The following LRRC4B variants were observed in gnomAD, a reference collection of about 807,000 sequenced individuals.
The protein encoded by LRRC4B is leucine rich repeat containing 4B.
In LRRC4B, 1 loss-of-function variant was observed where a neutral mutation model predicts 7.3. That is an observed-to-expected ratio of 0.14 (90% CI 0.05 to 0.65). The LOEUF is 0.65. Ranked by LOEUF, LRRC4B falls within the 30% of genes least tolerant of loss-of-function variation. The pLI, the probability that LRRC4B is intolerant of heterozygous loss-of-function variation, is 0.84. For synonymous variants in LRRC4B, 500 were observed against 499.2 expected, an observed-to-expected ratio of 1.00 and a Z score of -0.02; for missense variants, 730 against 1,041.6, an observed-to-expected ratio of 0.70 and a Z score of 4.12.
chr19:50,557,621 G>GT (rs1229461925), intron 1 of LRRC4B: 2 of 148,794 alleles, frequency 1.3e-5, no homozygotes, highest in East Asian at 4.1e-4. Flanking sequence ...GCTAGGAACA[G>GT]TACCCTGTGG....
rs771120121 is a variant in LRRC4B, at chr19:50,518,231, G to T, written c.1482C>A (p.Thr494=). The change falls in exon 3 of 3, where the codon ACC becomes ACA. Residue 494 remains threonine (T), a synonymous_variant. Coordinates refer to ENST00000652263, the MANE Select transcript of LRRC4B (RefSeq NM_001080457.2). ...YTYFTTVTVE[T]LETQPGEEAL... ...CCTCCTCTCCGGGCTGCGTCTCCAG[G>T]GTCTCCACGGTCACCGTGGTGAAGT... 1 of 1,608,438 alleles carries T rather than the reference G, an allele frequency of 6.2e-7. No individual in the cohort carries two copies. Among genetic ancestry groups the T allele is most frequent in the South Asian group, 1.1e-5 (1 of 90,802 alleles).
intron 2 of LRRC4B, among the ~76,000 whole-genome samples, chr19:50,547,178 C>T (rs1388970032): frequency 6.6e-6 from 1 of 152,186 alleles, no homozygotes; most frequent in East Asian, 1.9e-4. Context: ...TCAAAGCAAA[C>T]TGGCAGACAT....
chr19:50,551,378 TG>T (rs887131165), intron 1 of LRRC4B, among the ~76,000 whole-genome samples: 32 of 148,500 alleles, frequency 2.2e-4, no homozygotes, highest in African/African-American at 6.5e-4. Flanking sequence ...TTCCCACCCC[TG>T]GGGGGGGCTG....
intron 2 of LRRC4B, among the ~76,000 whole-genome samples, chr19:50,521,903 T>G (rs1980597572): frequency 6.7e-6 from 1 of 149,692 alleles, no homozygotes; most frequent in Non-Finnish European, 1.5e-5. Context: ...AGGCTGGGCA[T>G]GGTGGCTCAC....
In LRRC4B at chr19:50,517,809, G is replaced by T; in HGVS notation, c.1904C>A (p.Ala635Glu). 1 of 1,551,978 alleles carries T rather than the reference G, an allele frequency of 6.4e-7. No homozygotes were observed. The highest frequency in any genetic ancestry group is 8.7e-7 in the Non-Finnish European group (1 of 1,155,032). Reference protein sequence around the residue: ...PAASAVSVAAAAAVASGGGVG... With the variant: ...PAASAVSVAAEAAVASGGGVG... The stretch of plus-strand genomic sequence containing the variant: ...ACCACCCCCACTGGCCACGGCGGCC[G>T]CGGCGGCCACGGACACGGCCGAGGC... The change falls in exon 3 of 3, where the codon GCG (alanine) becomes GAG (glutamate). Residue 635 changes from alanine to glutamate, a missense_variant. Coordinates refer to ENST00000652263, the MANE Select transcript of LRRC4B (RefSeq NM_001080457.2). This position sits in a 1 kb window ranked among gnomAD's most constrained non-coding sequence, Gnocchi z 6.6.
chr19:50,557,541 C>G (rs1034770675), intron 1 of LRRC4B: 3 of 152,388 alleles, frequency 2.0e-5, no homozygotes, highest in Non-Finnish European at 4.4e-5. Flanking sequence ...ACATATAGGA[C>G]TCGGAGCCTG....
At chr19:50,547,816 C>T (rs932890991) in intron 2 of LRRC4B, among the ~76,000 whole-genome samples, 17 of 151,770 alleles carry the variant, frequency 1.1e-4, no homozygotes, top group African/African-American at 3.6e-4. Context: ...CCCTCGCTTA[C>T]GGCCTATCCT....
chr19:50,544,323 A>G (rs565620758), intron 2 of LRRC4B, among the ~76,000 whole-genome samples: 35 of 151,482 alleles, frequency 2.3e-4, no homozygotes, highest in East Asian at 9.8e-4. Context: ...TGGCTAACAC[A>G]GTGAAACCTC....
Position 50,548,577 on chromosome 19 carries a change from T to C in LRRC4B, c.262A>G (p.Thr88Ala), listed in dbSNP as rs760194623. 6 of 1,602,396 alleles carry C rather than the reference T, an allele frequency of 3.7e-6. No homozygotes were observed. The highest frequency in any genetic ancestry group is 3.4e-5 in the Admixed American group (2 of 59,628). ...TTCTCTTGCAGGTTCAGGTACCGCG[T>C]GTTGACCGGGATGCTGGCTGGGACC... is the stretch of plus-strand genomic sequence containing the variant. ...AEVPASIPVN[T>A]RYLNLQENGI... The change falls in exon 2 of 3, where the codon ACG becomes GCG. Residue 88 changes from threonine to alanine, a missense_variant. This residue lies in a region of LRRC4B where 143 missense variants were observed against 158.4 expected (regional missense o/e 0.90). Transcript: ENST00000652263. This position sits in a 1 kb window ranked among gnomAD's most constrained non-coding sequence, Gnocchi z 6.8.
chr19:50,517,765 G>T lies in LRRC4B; in HGVS notation c.1948C>A (p.Leu650Met). Residue 650 changes from leucine to methionine, a missense_variant, in exon 3 of 3, where the codon CTG becomes ATG. Transcript: ENST00000652263. The surrounding 1 kb of genome is among the most constrained non-coding windows in gnomAD (Gnocchi z 6.6). Reference protein sequence around the residue: ...SGGGVGGDSHLALPALERDHL... With the variant: ...SGGGVGGDSHMALPALERDHL... ...TCTCGCTCCAGGGCGGGCAGGGCCA[G>T]GTGGCTGTCCCCGCCCACACCACCC... 2 of 1,521,672 alleles carry T rather than the reference G, an allele frequency of 1.3e-6. No homozygotes were observed. Among genetic ancestry groups the T allele is most frequent in the African/African-American group, 1.4e-5 (1 of 70,528 alleles). 94.3% of individuals were successfully genotyped at this position (1,521,672 alleles called of 1,614,324 possible).
intron 2 of LRRC4B, among the ~76,000 whole-genome samples, chr19:50,520,248 G>GAAAAAAAAAAAAAAAAAAAAAAAAAAAA (rs1163666534): frequency 6.9e-5 from 1 of 14,454 alleles, no homozygotes; most frequent in Admixed American, 1.2e-3. Flanking sequence ...AAAAAAAAAA[G>GAAAAAAAAAAAAAAAAAAAAAAAAAAAA]AAGAAAAGAA....
At chr19:50,534,950 C>G (rs984470496) in intron 2 of LRRC4B, among the ~76,000 whole-genome samples, 1 of 152,008 alleles carries the variant, frequency 6.6e-6, no homozygotes, top group African/African-American at 2.4e-5. Flanking sequence ...CTCACTGCAA[C>G]CTCTGCCTCC....
intron 2 of LRRC4B, among the ~76,000 whole-genome samples, chr19:50,543,591 C>T (rs1981651959): frequency 6.6e-6 from 1 of 151,988 alleles, no homozygotes; most frequent in Admixed American, 6.6e-5. Context: ...GTGGCTCACA[C>T]CTGTAATCTC....
chr19:50,528,907 C>A (rs145011986), intron 2 of LRRC4B, among the ~76,000 whole-genome samples: 1 of 152,096 alleles, frequency 6.6e-6, no homozygotes, highest in African/African-American at 2.4e-5. Context: ...GGTCCCAAGC[C>A]GGCCTGGGGT....
intron 2 of LRRC4B, among the ~76,000 whole-genome samples, chr19:50,538,560 T>TTTTTTTTTTTTG: frequency 1.2e-4 from 1 of 8,598 alleles, no homozygotes; most frequent in Non-Finnish European, 2.4e-4. Context: ...TTTTGTCTTG[T>TTTTTTTTTTTTG]TTTTTTTTTT....
At chr19:50,540,796 C>G (rs565683245) in intron 2 of LRRC4B, among the ~76,000 whole-genome samples, 1 of 151,652 alleles carries the variant, frequency 6.6e-6, no homozygotes, top group East Asian at 1.9e-4. Flanking sequence ...CATCTAGTTG[C>G]AGGAAAACAA....
chr19:50,567,152 G>A (rs938263596), intron 1 of LRRC4B, among the ~76,000 whole-genome samples: 2 of 149,468 alleles, frequency 1.3e-5, no homozygotes, highest in African/African-American at 4.9e-5. Context: ...TCTCCAGGAG[G>A]AGAGGTTTCC....
At chr19:50,546,486 A>G (rs938752469) in intron 2 of LRRC4B, among the ~76,000 whole-genome samples, 1 of 152,092 alleles carries the variant, frequency 6.6e-6, no homozygotes, top group Non-Finnish European at 1.5e-5. Flanking sequence ...CTGGACGAAC[A>G]CACCCTCCAT....
intron 1 of LRRC4B, among the ~76,000 whole-genome samples, chr19:50,557,342 C>T (rs1982311802): frequency 6.6e-6 from 1 of 152,204 alleles, no homozygotes; most frequent in Non-Finnish European, 1.5e-5. Flanking sequence ...TCTCCACTCA[C>T]AGGCGGTGCC....
Sources: gnomAD v4.1 joint callset for allele counts (sites outside exome capture counted in the v4.1 genomes callset) on GRCh38, gnomAD v4.1.1 for gene constraint, gnomAD v4.1.1 regional missense constraint, Gnocchi (gnomAD v3.1) non-coding constraint, MANE v1.5 for transcripts, NCBI Gene and HGNC (gene_info 2026-07-23, HGNC 2026-07-21) for gene names.